IGF1: variants seen among roughly 807,000 people sequenced by gnomAD.
The protein encoded by IGF1 is insulin-like growth factor 1.
IGF1 carries 4 observed loss-of-function variants against 13.8 expected under a neutral mutation model. The observed-to-expected ratio is 0.29, with a 90% confidence interval of 0.14 to 0.66. The LOEUF (loss-of-function observed/expected upper bound fraction) is 0.66. Ranked by LOEUF, IGF1 falls within the 30% of genes least tolerant of loss-of-function variation. IGF1 has a pLI of 0.78. For missense variants in IGF1, 124 were observed against 188.5 expected (o/e 0.66, Z 2.00); for synonymous variants, 76 against 72.6 (o/e 1.05, Z -0.23).
At chr12:102,414,063 A>G (rs1344402303) in intron 3 of IGF1, among the ~76,000 whole-genome samples, 1 of 152,168 alleles carries the variant, frequency 6.6e-6, no homozygotes, top group Non-Finnish European at 1.5e-5. Context: ...CATAGCTCCA[A>G]TTTTCAGAGG....
intron 2 of IGF1, among the ~76,000 whole-genome samples, chr12:102,425,107 T>C (rs1309543933): frequency 6.6e-6 from 1 of 152,204 alleles, no homozygotes; most frequent in East Asian, 1.9e-4. Flanking sequence ...CTGTAAAACA[T>C]TTTGAAATTA....
intron 2 of IGF1, among the ~76,000 whole-genome samples, chr12:102,469,054 TC>T (rs1409294946): frequency 6.6e-6 from 1 of 152,178 alleles, no homozygotes; most frequent in Non-Finnish European, 1.5e-5. Flanking sequence ...CCAAAATGTC[TC>T]CCCTACCAGC....
At chr12:102,415,666 G>T (rs1438159976) in intron 3 of IGF1, 1 of 138,938 alleles carries the variant, frequency 7.2e-6, no homozygotes, top group East Asian at 2.4e-4. Context: ...CTTCTTGAAT[G>T]AAATTTATGA....
chr12:102,408,846 C>T (rs966802001), intron 3 of IGF1, among the ~76,000 whole-genome samples: 1 of 152,132 alleles, frequency 6.6e-6, no homozygotes, highest in African/African-American at 2.4e-5. Flanking sequence ...CCAATCTACT[C>T]TCTCTCTCTC....
chr12:102,467,638 G>A (rs1479309866), intron 2 of IGF1, among the ~76,000 whole-genome samples: 2 of 152,170 alleles, frequency 1.3e-5, no homozygotes, highest in Admixed American at 1.3e-4. Flanking sequence ...CCACAGCGAG[G>A]GAGCAAAAGT....
chr12:102,432,793 T>A (rs542854180), intron 2 of IGF1, among the ~76,000 whole-genome samples: 1 of 152,292 alleles, frequency 6.6e-6, no homozygotes, highest in African/African-American at 2.4e-5. Flanking sequence ...TGTATACATA[T>A]GTAACTAACC....
At chr12:102,427,674 T>G (rs1876330174) in intron 2 of IGF1, among the ~76,000 whole-genome samples, 2 of 150,350 alleles carry the variant, frequency 1.3e-5, no homozygotes, top group South Asian at 2.1e-4. Context: ...GGAGGGAGAG[T>G]GTTGGGAGGT....
chr12:102,451,208 T>G (rs1878887875), intron 2 of IGF1, among the ~76,000 whole-genome samples: 1 of 152,244 alleles, frequency 6.6e-6, no homozygotes, highest in Non-Finnish European at 1.5e-5. Context: ...GGATAGGAAT[T>G]AAGTTCATCA....
At chr12:102,458,730 C>CAAAAAAAAAAAAAAAAAAA (rs397825972) in intron 2 of IGF1, among the ~76,000 whole-genome samples, 7 of 73,424 alleles carry the variant, frequency 9.5e-5, no homozygotes, top group African/African-American at 2.1e-4. Context: ...GAACACTGAC[C>CAAAAAAAAAAAAAAAAAAA]AAAAAAAAAA....
At chr12:102,470,872 C>A (rs1880643304) in intron 2 of IGF1, among the ~76,000 whole-genome samples, 1 of 152,124 alleles carries the variant, frequency 6.6e-6, no homozygotes, top group Non-Finnish European at 1.5e-5. Context: ...CTTATTTGTC[C>A]CCTCTAATTT....
At chr12:102,477,508 G>T (rs932089308) in intron 1 of IGF1, among the ~76,000 whole-genome samples, 1 of 150,088 alleles carries the variant, frequency 6.7e-6, no homozygotes, top group African/African-American at 2.5e-5. Context: ...ACTGGGACTG[G>T]AAGAAGCATG....
chr12:102,429,084 C>T (rs10860864), intron 2 of IGF1, among the ~76,000 whole-genome samples: 22,538 of 151,960 alleles, frequency 0.15, 1,868 homozygotes, highest in Non-Finnish European at 0.19. Flanking sequence ...AAAGTCTATA[C>T]GAAGAGTGCT....
chr12:102,400,178 G>A lies in IGF1; in HGVS notation c.*2329C>T, dbSNP rs1227986921. 1 of 151,752 alleles carries A rather than the reference G, an allele frequency of 6.6e-6. No individual in the cohort carries two copies. Among genetic ancestry groups the A allele is most frequent in the African/African-American group, 2.4e-5 (1 of 41,310 alleles). 9.4% of individuals were successfully genotyped at this position (151,752 alleles called of 1,614,324 possible). A position where few individuals can be genotyped will look rare whatever the true frequency, so the allele number is the denominator to read the frequency against. ...TCTGATCCTTGAGGTGACCCAGTGG[G>A]AGAAAAACTGAAGATGTTATTTTTG... On this transcript the variant is annotated 3_prime_UTR_variant, in exon 4 of 4. Transcript: ENST00000337514.
chr12:102,454,417 G>T (rs1260036842), intron 2 of IGF1, among the ~76,000 whole-genome samples: 1 of 152,196 alleles, frequency 6.6e-6, no homozygotes, highest in African/African-American at 2.4e-5. Flanking sequence ...GCCCCATGGG[G>T]AAGGAAAGAT....
chr12:102,439,485 CAGAGACA>C (rs1476851375), intron 2 of IGF1, among the ~76,000 whole-genome samples: 6 of 152,112 alleles, frequency 3.9e-5, no homozygotes, highest in Non-Finnish European at 7.4e-5. Context: ...CTCCATCTGG[CAGAGACA>C]AGTACTATAA....
rs554643911 is a variant in IGF1, at chr12:102,404,839, C to T, written c.403-2273G>A. On this transcript the variant is annotated intron_variant, in intron 3 of 3. Transcript: ENST00000337514. ...GTGGCGCGTTCTCAGCTCACTGCAA[C>T]CTCTGCCTCCCGGGTTCAAGTGATT... is the stretch of plus-strand genomic sequence containing the variant. Among the ~76,000 whole-genome samples, 71 of 149,298 alleles carry T rather than the reference C, an allele frequency of 4.8e-4. 1 individual carries two copies. The highest frequency in any genetic ancestry group is 1.7e-3 in the African/African-American group (69 of 40,508).
At chr12:102,452,735 C>A (rs1879074424) in intron 2 of IGF1, among the ~76,000 whole-genome samples, 1 of 152,156 alleles carries the variant, frequency 6.6e-6, no homozygotes, top group African/African-American at 2.4e-5. Context: ...TATTGGCTAA[C>A]TGCACCTATG....
At chr12:102,406,326 G>A (rs531476632) in intron 3 of IGF1, among the ~76,000 whole-genome samples, 10 of 152,328 alleles carry the variant, frequency 6.6e-5, no homozygotes, top group African/African-American at 1.4e-4. Context: ...AGAAGCAGCC[G>A]TCATCAGAGC....
intron 2 of IGF1, among the ~76,000 whole-genome samples, chr12:102,469,523 G>T (rs1880559295): frequency 6.6e-6 from 1 of 152,266 alleles, no homozygotes; most frequent in East Asian, 1.9e-4. Context: ...GACTTTTCTT[G>T]TGCATCCTGA....
Sources: gnomAD v4.1 joint callset for allele counts (sites outside exome capture counted in the v4.1 genomes callset) on GRCh38, gnomAD v4.1.1 for gene constraint, MANE v1.5 for transcripts, NCBI Gene and HGNC (gene_info 2026-07-23, HGNC 2026-07-21) for gene names.